UPK1A: variants seen among roughly 807,000 people sequenced by gnomAD.
The protein encoded by UPK1A is uroplakin-1a.
Under a neutral mutation model 32.3 loss-of-function variants are expected in UPK1A, and 31 were observed. That is an observed-to-expected ratio of 0.96 (90% CI 0.72 to 1.30). UPK1A has a LOEUF of 1.30. Ranked by LOEUF, UPK1A falls within the 50% of genes most tolerant of loss-of-function variation. UPK1A has a pLI of 0.00. For missense variants in UPK1A, 340 were observed against 357.4 expected (o/e 0.95, Z 0.39); for synonymous variants, 135 against 137.1 (o/e 0.98, Z 0.11).
At chr19:35,669,697 C>T (rs1315429452) in intron 3 of UPK1A, among the ~76,000 whole-genome samples, 1 of 151,948 alleles carries the variant, frequency 6.6e-6, no homozygotes, top group Non-Finnish European at 1.5e-5. Flanking sequence ...AATGAGCTTC[C>T]TCAATCTTGC....
At chr19:35,670,017 G>T (rs1447515458) in intron 3 of UPK1A, among the ~76,000 whole-genome samples, 4 of 152,242 alleles carry the variant, frequency 2.6e-5, no homozygotes, top group African/African-American at 9.6e-5. Context: ...CTCAGAGGAG[G>T]AAGACAGTGA....
At chr19:35,674,148 C>T (rs755330663) in intron 5 of UPK1A, among the ~76,000 whole-genome samples, 11 of 151,222 alleles carry the variant, frequency 7.3e-5, no homozygotes, top group Non-Finnish European at 1.5e-4. Context: ...AGGATTGGAG[C>T]GATTCTCCCA....
chr19:35,670,282 G>T (rs1052002616), intron 3 of UPK1A, among the ~76,000 whole-genome samples: 2 of 152,080 alleles, frequency 1.3e-5, no homozygotes, highest in African/African-American at 4.8e-5. Context: ...GTGAGGAATG[G>T]GGATGGGAAA....
intron 5 of UPK1A, among the ~76,000 whole-genome samples, chr19:35,675,364 C>T (rs1047839897): frequency 3.3e-5 from 5 of 151,958 alleles, no homozygotes; most frequent in African/African-American, 4.8e-5. Context: ...TCACTGCAGT[C>T]GCCACCTCCC....
intron 2 of UPK1A, chr19:35,668,250 G>T: frequency 3.1e-6 from 2 of 636,296 alleles, no homozygotes; most frequent in Non-Finnish European, 5.5e-6. Flanking sequence ...CAGCTGGGGC[G>T]TGGGGGTCGG....
At chr19:35,673,417 G>A (rs980084784) in intron 4 of UPK1A, 21 bp from the exon 5 acceptor site, 1 of 1,613,142 alleles carries the variant, frequency 6.2e-7, no homozygotes. Context: ...GCCGGCCCTT[G>A]TTCTTCCCTG....
At chr19:35,666,529 G>C in exon 1 of UPK1A, 1 of 450,962 alleles carries the variant, frequency 2.2e-6, no homozygotes, top group South Asian at 2.4e-5. Flanking sequence ...AGAGGCTGCA[G>C]ACAGAGAAGG....
intron 3 of UPK1A, among the ~76,000 whole-genome samples, chr19:35,672,220 CTG>C (rs1444170895): frequency 6.6e-6 from 1 of 152,182 alleles, no homozygotes; most frequent in African/African-American, 2.4e-5. Context: ...AATACCCAGT[CTG>C]TGTCAAATGT....
In UPK1A at chr19:35,668,185, G is replaced by C. The variant is rs76164772; in HGVS notation, c.85-269G>C. ...TGGACCAAGCATCTCCTCTGTGCCA[G>C]TCCACTGCTCCAGCCTTTCCACGTG... is the stretch of plus-strand genomic sequence containing the variant. On this transcript the variant is annotated intron_variant, in intron 2 of 7. Transcript: ENST00000617999. The C allele has an allele frequency of 6.2e-3, 3,307 of 532,506 alleles. 52 individuals carry two copies. Among genetic ancestry groups the C allele is most frequent in the South Asian group, 0.036 (1,820 of 49,996 alleles). The allele number at this position is 532,506 out of a possible 1,614,324, so 33.0% of individuals were successfully genotyped here. A position where few individuals can be genotyped will look rare whatever the true frequency, so the allele number is the denominator to read the frequency against.
intron 2 of UPK1A, 182 bp from the exon 3 acceptor site, chr19:35,668,272 G>A: frequency 1.4e-6 from 1 of 708,916 alleles, no homozygotes; most frequent in South Asian, 1.8e-5. Context: ...TGTCTGGCTG[G>A]GCTGTCTCTT....
chr19:35,668,497 C>T, exon 3 of UPK1A: 1 of 1,614,184 alleles, frequency 6.2e-7, no homozygotes, highest in Non-Finnish European at 8.5e-7. Flanking sequence ...TGGGTGACAG[C>T]CGACCAGTAC....
intron 6 of UPK1A, 83 bp downstream of exon 6, chr19:35,676,102 C>A: frequency 7.0e-7 from 1 of 1,430,136 alleles, no homozygotes; most frequent in Non-Finnish European, 9.4e-7. Flanking sequence ...TTCTCTCTTT[C>A]TCCCTCCCTG....
At chr19:35,673,518 C>A in exon 5 of UPK1A, 1 of 1,613,502 alleles carries the variant, frequency 6.2e-7, no homozygotes, top group Non-Finnish European at 8.5e-7. Flanking sequence ...AGGAGCTGAC[C>A]CGCCTCTGGG....
At chr19:35,676,589 G>A (rs546779758) in intron 6 of UPK1A, among the ~76,000 whole-genome samples, 3 of 151,896 alleles carry the variant, frequency 2.0e-5, no homozygotes, top group Non-Finnish European at 4.4e-5. Context: ...ACTTTACTCA[G>A]GTTGTCCGAG....
At chr19:35,670,363 G>GCTCCC (rs1968067716) in intron 3 of UPK1A, among the ~76,000 whole-genome samples, 1 of 141,256 alleles carries the variant, frequency 7.1e-6, no homozygotes, top group Non-Finnish European at 1.6e-5. Context: ...TAGACCCCCT[G>GCTCCC]CTCCCCTCCC....
chr19:35,676,204 T>TC (rs1568348895), intron 6 of UPK1A, 185 bp downstream of exon 6: 22 of 826,162 alleles, frequency 2.7e-5, no homozygotes, highest in Non-Finnish European at 3.8e-5. Flanking sequence ...TCTTTTTTTT[T>TC]TTTCAAGACC....
At chr19:35,668,039 C>T (rs941503618) in intron 2 of UPK1A, 7 of 260,712 alleles carry the variant, frequency 2.7e-5, no homozygotes, top group South Asian at 8.9e-5. Flanking sequence ...CCTCCCGCCT[C>T]GGCCTCCCAC....
At chr19:35,669,593 C>T (rs563924469) in intron 3 of UPK1A, among the ~76,000 whole-genome samples, 3 of 151,960 alleles carry the variant, frequency 2.0e-5, no homozygotes, top group African/African-American at 7.3e-5. Flanking sequence ...ATCACTAGAA[C>T]CCGGGAGGCA....
intron 3 of UPK1A, among the ~76,000 whole-genome samples, chr19:35,672,515 G>A (rs1031842422): frequency 4.6e-5 from 7 of 151,634 alleles, no homozygotes; most frequent in African/African-American, 7.3e-5. Context: ...TGATCCACCC[G>A]TCTCAACCTC....
Sources: allele counts gnomAD v4.1 joint callset (sites outside exome capture counted in the v4.1 genomes callset), GRCh38; gene constraint gnomAD v4.1.1; transcripts MANE v1.5; gene names NCBI Gene and HGNC (gene_info 2026-07-23, HGNC 2026-07-21).